PARD3: variants seen among roughly 807,000 people sequenced by gnomAD.
PARD3 encodes the protein partitioning defective 3 homolog.
A neutral mutation model predicts 155.4 loss-of-function variants in PARD3; 75 were observed. The ratio of observed to expected loss-of-function variants is 0.48; its 90% CI spans 0.40 to 0.58. The LOEUF is 0.58. Ranked by LOEUF, PARD3 falls within the 20% of genes least tolerant of loss-of-function variation. The pLI is 0.00. For synonymous variants in PARD3, 576 were observed against 610.5 expected, an observed-to-expected ratio of 0.94 and a Z score of 0.83; for missense variants, 1,642 against 1,721.7, an observed-to-expected ratio of 0.95 and a Z score of 0.82.
At chr10:34,343,205 G>T in intron 15 of PARD3, 1 of 476,616 alleles carries the variant, frequency 2.1e-6, no homozygotes, top group Non-Finnish European at 2.7e-6. Flanking sequence ...ACTCACCACT[G>T]ACGAGGCATG....
chr10:34,453,369 G>A (rs2077164268), intron 4 of PARD3, among the ~76,000 whole-genome samples: 1 of 152,030 alleles, frequency 6.6e-6, no homozygotes, highest in Admixed American at 6.6e-5. Context: ...TTATAATTTA[G>A]CTAATTTTAA....
intron 22 of PARD3, among the ~76,000 whole-genome samples, chr10:34,191,530 C>A (rs560011162): frequency 6.6e-6 from 1 of 152,182 alleles, no homozygotes; most frequent in East Asian, 1.9e-4. Context: ...CCAACTGTGA[C>A]CCTTCTGATT....
chr10:34,613,503 TCTTA>T (rs1260343558), intron 2 of PARD3, among the ~76,000 whole-genome samples: 2 of 152,196 alleles, frequency 1.3e-5, no homozygotes, highest in African/African-American at 4.8e-5. Context: ...AATCATTAAC[TCTTA>T]CTTAATTACT....
intron 2 of PARD3, among the ~76,000 whole-genome samples, chr10:34,546,701 C>T (rs2084100159): frequency 1.3e-5 from 2 of 152,134 alleles, no homozygotes; most frequent in South Asian, 4.2e-4. Context: ...CCAATATCCA[C>T]CTCATCAATA....
intron 2 of PARD3, among the ~76,000 whole-genome samples, chr10:34,528,953 G>T (rs1452205170): frequency 6.6e-6 from 1 of 152,162 alleles, no homozygotes; most frequent in East Asian, 1.9e-4. Context: ...GTATGTGGTG[G>T]ATGGGTGCCA....
intron 2 of PARD3, among the ~76,000 whole-genome samples, chr10:34,559,704 A>C (rs1268241704): frequency 1.3e-5 from 2 of 151,952 alleles, no homozygotes; most frequent in African/African-American, 4.8e-5. Flanking sequence ...TAATAAATGG[A>C]GTTACTCACC....
chr10:34,248,620 T>A (rs912553185), intron 22 of PARD3, among the ~76,000 whole-genome samples: 10 of 152,212 alleles, frequency 6.6e-5, no homozygotes, highest in Admixed American at 1.3e-4. Flanking sequence ...CTGAATCCAA[T>A]GCCTCATGCT....
At chr10:34,522,712 A>C (rs1394570167) in intron 2 of PARD3, among the ~76,000 whole-genome samples, 1 of 152,220 alleles carries the variant, frequency 6.6e-6, no homozygotes, top group Non-Finnish European at 1.5e-5. Flanking sequence ...TAGATATGGC[A>C]CAAAATGAAG....
In PARD3 at chr10:34,552,580, G is replaced by A. The variant is rs1012297596; in HGVS notation, c.223-35421C>T. Among the ~76,000 whole-genome samples the A allele has an allele frequency of 2.1e-4, 32 of 152,168 alleles. 1 individual carries two copies. Among genetic ancestry groups the A allele is most frequent in the Admixed American group, 1.6e-3 (25 of 15,278 alleles). On this transcript the variant is annotated intron_variant, in intron 2 of 24. Transcript: ENST00000374788. ...AAAAGAAAAATTAGCCAGGCATGGCGGTGCACGCCTGTAATCTCAGCTATT... is the reference window on the plus strand; with the variant it reads ...AAAAGAAAAATTAGCCAGGCATGGCAGTGCACGCCTGTAATCTCAGCTATT...
At chr10:34,432,305 G>C (rs933917315) in intron 5 of PARD3, among the ~76,000 whole-genome samples, 1 of 147,420 alleles carries the variant, frequency 6.8e-6, no homozygotes, top group Admixed American at 6.9e-5. Context: ...GAGAACAGGT[G>C]CTGTGAAAAT....
chr10:34,568,884 G>A (rs866937049), intron 2 of PARD3, among the ~76,000 whole-genome samples: 1 of 152,110 alleles, frequency 6.6e-6, no homozygotes, highest in Admixed American at 6.6e-5. Flanking sequence ...TCAACTGGTA[G>A]AGACTTAATT....
chr10:34,361,114 T>TCC (rs1433931460), intron 12 of PARD3, among the ~76,000 whole-genome samples: 4 of 152,200 alleles, frequency 2.6e-5, no homozygotes, highest in African/African-American at 9.6e-5. Context: ...TCTGAGCTCC[T>TCC]CCTCCTCAGC....
intron 5 of PARD3, among the ~76,000 whole-genome samples, chr10:34,415,912 C>A (rs1407956340): frequency 6.6e-6 from 1 of 152,114 alleles, no homozygotes; most frequent in Non-Finnish European, 1.5e-5. Context: ...ATGGAGGGTA[C>A]CCTCAGAGGG....
chr10:34,558,448 T>G (rs375925192), intron 2 of PARD3, among the ~76,000 whole-genome samples: 1 of 152,210 alleles, frequency 6.6e-6, no homozygotes, highest in African/African-American at 2.4e-5. Flanking sequence ...CTCAAAGTGT[T>G]AAGTCAACCA....
rs375575336 is a variant in PARD3 at position 34,277,650 on chromosome 10, T to C, written c.3176+6485A>G. On this transcript the variant is annotated intron_variant, in intron 21 of 24. Coordinates refer to ENST00000374788, the MANE Select transcript of PARD3 (RefSeq NM_001184785.2). ...GAATGCAAGTTGCTGAAATATATAG[T>C]GGTCCCTTAGAATAGCTGGGAGGGA... Among the ~76,000 whole-genome samples, 12 of 152,236 alleles carry C rather than the reference T, an allele frequency of 7.9e-5. No homozygotes were observed. The South Asian group carries it at 2.5e-3, about 32-fold the overall frequency.
chr10:34,365,674 G>A (rs535284788), intron 12 of PARD3, among the ~76,000 whole-genome samples: 1 of 152,206 alleles, frequency 6.6e-6, no homozygotes, highest in South Asian at 2.1e-4. Flanking sequence ...CTGCAATCTC[G>A]CTTCCTGGGT....
At chr10:34,289,495 T>TTAATAA (rs76651141) in intron 20 of PARD3, among the ~76,000 whole-genome samples, 44 of 151,170 alleles carry the variant, frequency 2.9e-4, no homozygotes, top group African/African-American at 6.8e-4. Flanking sequence ...TGGCCAGATC[T>TTAATAA]TAATAATAAT....
chr10:34,802,717 C>T (rs1028193113), intron 1 of PARD3, among the ~76,000 whole-genome samples: 1 of 152,000 alleles, frequency 6.6e-6, no homozygotes, highest in Non-Finnish European at 1.5e-5. Context: ...ACAGTTTTGC[C>T]ACATGATTTC....
intron 4 of PARD3, among the ~76,000 whole-genome samples, chr10:34,452,944 T>C (rs2077136871): frequency 1.3e-5 from 2 of 152,204 alleles, no homozygotes. Context: ...TCCTCGGCCA[T>C]AAACCTAGTT....
Sources: allele counts gnomAD v4.1 joint callset (sites outside exome capture counted in the v4.1 genomes callset), GRCh38; gene constraint gnomAD v4.1.1; transcripts MANE v1.5; gene names NCBI Gene and HGNC (gene_info 2026-07-23, HGNC 2026-07-21).